Variants in PPP4R3B observed in about 807,000 individuals in gnomAD.
PPP4R3B encodes serine/threonine-protein phosphatase 4 regulatory subunit 3B.
Under a neutral mutation model 95.4 loss-of-function variants are expected in PPP4R3B, and 52 were observed. The observed-to-expected ratio is 0.54, with a 90% confidence interval of 0.44 to 0.69. PPP4R3B has a LOEUF of 0.69. Among genes scored for constraint, PPP4R3B ranks in the 30% least tolerant of loss-of-function variants. The probability of loss-of-function intolerance (pLI) is 0.00; values close to 1 mark genes in which losing one functional copy is unlikely to be tolerated. For synonymous variants in PPP4R3B, 407 were observed against 343.9 expected (o/e 1.18, Z -2.03); for missense variants, 1,003 against 1,005.9 (o/e 1.00, Z 0.04).
At chr2:55,574,380 TGAG>T (rs1007990122) in intron 11 of PPP4R3B, among the ~76,000 whole-genome samples, 1 of 151,860 alleles carries the variant, frequency 6.6e-6, no homozygotes, top group African/African-American at 2.4e-5. Flanking sequence ...TTGATGGCAC[TGAG>T]GAGTTCTTGG....
chr2:55,587,585 A>G (rs1208884709), intron 5 of PPP4R3B, among the ~76,000 whole-genome samples: 5 of 152,204 alleles, frequency 3.3e-5, no homozygotes, highest in African/African-American at 1.2e-4. Flanking sequence ...CTCTTTTTCG[A>G]AAAGAAAAAA....
intron 2 of PPP4R3B, 151 bp downstream of exon 2, chr2:55,615,300 C>T: frequency 1.5e-6 from 1 of 646,206 alleles, no homozygotes; most frequent in Non-Finnish European, 2.6e-6. Context: ...TTTTTTCAGT[C>T]TGAAACTTTT....
At chr2:55,611,444 T>C (rs746577765) in intron 2 of PPP4R3B, among the ~76,000 whole-genome samples, 3 of 152,228 alleles carry the variant, frequency 2.0e-5, no homozygotes, top group Non-Finnish European at 4.4e-5. Context: ...TTCTCTTCTC[T>C]TTCCAACATG....
chr2:55,550,538 C>T (rs1685134080), intron 16 of PPP4R3B, among the ~76,000 whole-genome samples: 1 of 152,116 alleles, frequency 6.6e-6, no homozygotes, highest in African/African-American at 2.4e-5. Context: ...AGCTCGCTGA[C>T]CAAAAGAACA....
intron 3 of PPP4R3B, among the ~76,000 whole-genome samples, chr2:55,599,360 C>T (rs945618156): frequency 5.3e-5 from 8 of 152,128 alleles, no homozygotes; most frequent in Admixed American, 4.6e-4. Context: ...ATCGCTTGAA[C>T]CTGGAAGGTG....
intron 16 of PPP4R3B, among the ~76,000 whole-genome samples, chr2:55,552,010 T>C (rs1000915022): frequency 6.6e-6 from 1 of 152,202 alleles, no homozygotes; most frequent in Admixed American, 6.5e-5. Context: ...GTATTACATA[T>C]CATAACGTAC....
rs1207515543 is a variant in PPP4R3B at position 55,551,642 on chromosome 2, T to TCTG, written c.2455-1637_2455-1636insCAG. On this transcript the variant is annotated intron_variant, in intron 16 of 16. Coordinates refer to ENST00000616407, the MANE Select transcript of PPP4R3B (RefSeq NM_001122964.3). ...GGCGCATGCCTGTAATCCCAGCTGC[T>TCTG]TCAGAGGCTGAGGCAGGAGAATTGC... Among the ~76,000 whole-genome samples, 6 of 151,786 alleles carry TCTG rather than the reference T, an allele frequency of 4.0e-5. No homozygotes were observed. The East Asian group carries it at 1.2e-3, about 30-fold the overall frequency.
chr2:55,549,833 T>C lies in PPP4R3B; in HGVS notation c.*78A>G, dbSNP rs1685044374. The stretch of plus-strand genomic sequence containing the variant: ...ATTTTATAAGTTCAATTGAGAAAGC[T>C]TTCTGATTCAGATTTTCAGCTCACT... On this transcript the variant is annotated 3_prime_UTR_variant, in exon 17 of 17. Transcript: ENST00000616407. 9.2e-7 allele frequency: 1 copy of C among 1,087,762 alleles called. No homozygotes were observed. The highest frequency in any genetic ancestry group is 1.6e-5 in the African/African-American group (1 of 64,482). 67.4% of individuals were successfully genotyped at this position (1,087,762 alleles called of 1,614,324 possible). A position where few individuals can be genotyped will look rare whatever the true frequency, so the allele number is the denominator to read the frequency against.
rs561141604 is a variant in PPP4R3B, at chr2:55,558,844, T to C, written c.2385A>G (p.Ile795Met). The C allele has an allele frequency of 2.6e-5, 42 of 1,613,760 alleles. No individual in the cohort carries two copies. The highest frequency in any genetic ancestry group is 3.4e-5 in the Non-Finnish European group (40 of 1,179,838). ...GTNSKSVVAQ[I>M]PPATSNGSSS... ...AGGATCCATTAGAAGTTGCTGGTGG[T>C]ATCTGAGCCACTACAGATTTACTGT... is the stretch of plus-strand genomic sequence containing the variant. Residue 795 changes from isoleucine to methionine, a missense_variant, in exon 16 of 17, where the codon ATA becomes ATG. Physicochemically the swap from Ile to Met is conservative, Grantham distance 10. Coordinates refer to ENST00000616407, the MANE Select transcript of PPP4R3B (RefSeq NM_001122964.3).
chr2:55,576,471 G>A (rs914087602), intron 11 of PPP4R3B, among the ~76,000 whole-genome samples: 18 of 150,920 alleles, frequency 1.2e-4, no homozygotes, highest in African/African-American at 3.4e-4. Flanking sequence ...GGCCGGGCGC[G>A]GTGGCTCACG....
chr2:55,576,431 G>A (rs951723113), intron 11 of PPP4R3B, among the ~76,000 whole-genome samples: 11 of 147,894 alleles, frequency 7.4e-5, no homozygotes, highest in Non-Finnish European at 1.3e-4. Context: ...AATGCTGTAT[G>A]TGGAAATTAA....
intron 4 of PPP4R3B, among the ~76,000 whole-genome samples, chr2:55,590,078 A>G (rs1258179288): frequency 6.7e-6 from 1 of 150,374 alleles, no homozygotes. Context: ...GTGTAATCCC[A>G]GCACTTTGGG....
intron 16 of PPP4R3B, among the ~76,000 whole-genome samples, chr2:55,550,212 A>G (rs1003235626): frequency 6.6e-6 from 1 of 152,174 alleles, no homozygotes; most frequent in African/African-American, 2.4e-5. Context: ...TAACTTTTCT[A>G]TCTGGTTCTT....
chr2:55,549,928 G>GT lies in PPP4R3B; in HGVS notation c.2532dup (p.Pro845ThrfsTer27). The GT allele has an allele frequency of 6.2e-7, 1 of 1,613,454 alleles. No individual in the cohort carries two copies. On this transcript the variant is annotated frameshift_variant, in exon 17 of 17. Transcript: ENST00000616407. LOFTEE classifies it high-confidence loss of function. The stretch of plus-strand genomic sequence containing the variant: ...TAAATATTTTATGAGCCAAGACGAG[G>GT]TCTTTTCCTGGGGGACGATTCTTCT...
intron 3 of PPP4R3B, among the ~76,000 whole-genome samples, chr2:55,600,015 T>G (rs1275239570): frequency 1.3e-5 from 2 of 152,216 alleles, no homozygotes; most frequent in Non-Finnish European, 1.5e-5. Flanking sequence ...TTATCTTTGC[T>G]CTTGTTTTTA....
intron 16 of PPP4R3B, among the ~76,000 whole-genome samples, chr2:55,556,501 T>C (rs1220487366): frequency 6.6e-6 from 1 of 151,972 alleles, no homozygotes; most frequent in East Asian, 1.9e-4. Flanking sequence ...TTATTAGAAA[T>C]AGAAGACACA....
At chr2:55,601,312 T>C (rs990522781) in intron 3 of PPP4R3B, among the ~76,000 whole-genome samples, 4 of 152,086 alleles carry the variant, frequency 2.6e-5, no homozygotes, top group African/African-American at 9.7e-5. Context: ...CCTGTAAGCT[T>C]TGAAGAGTGA....
At chr2:55,563,054 A>G (rs982021520) in intron 15 of PPP4R3B, among the ~76,000 whole-genome samples, 2 of 152,182 alleles carry the variant, frequency 1.3e-5, no homozygotes, top group Non-Finnish European at 2.9e-5. Flanking sequence ...CTCACTCAAC[A>G]CTGGATACAG....
chr2:55,588,738 C>A, intron 5 of PPP4R3B, 141 bp downstream of exon 5: 1 of 542,888 alleles, frequency 1.8e-6, no homozygotes, highest in South Asian at 3.1e-5. Context: ...ATAATCATTT[C>A]ATAGTTCAAT....
Sources: allele counts gnomAD v4.1 joint callset (sites outside exome capture counted in the v4.1 genomes callset), GRCh38; gene constraint gnomAD v4.1.1; transcripts MANE v1.5; gene names NCBI Gene and HGNC (gene_info 2026-07-23, HGNC 2026-07-21).